HS3ST5: variants seen among roughly 807,000 people sequenced by gnomAD.
The protein encoded by HS3ST5 is heparan sulfate glucosamine 3-O-sulfotransferase 5.
A neutral mutation model predicts 25.4 loss-of-function variants in HS3ST5; 10 were observed. That is an observed-to-expected ratio of 0.39 (90% CI 0.24 to 0.67). The LOEUF is 0.67. Among genes scored for constraint, HS3ST5 ranks in the 30% least tolerant of loss-of-function variants. The pLI, the probability that HS3ST5 is intolerant of heterozygous loss-of-function variation, is 0.44. For missense variants in HS3ST5, 324 were observed against 420.7 expected, an observed-to-expected ratio of 0.77 and a Z score of 2.01; for synonymous variants, 170 against 162.4, an observed-to-expected ratio of 1.05 and a Z score of -0.36.
chr6:114,179,305 G>C (rs1345528313), intron 2 of HS3ST5: 1 of 152,158 alleles, frequency 6.6e-6, no homozygotes, highest in Non-Finnish European at 1.5e-5. Flanking sequence ...CTCTAACTTT[G>C]GCAGCTGTAT....
At chr6:114,185,165 T>C (rs914760859) in intron 2 of HS3ST5, among the ~76,000 whole-genome samples, 1 of 152,186 alleles carries the variant, frequency 6.6e-6, no homozygotes, top group African/African-American at 2.4e-5. Context: ...GAAATAGGCA[T>C]GAGTTTTGAG....
intron 3 of HS3ST5, among the ~76,000 whole-genome samples, chr6:114,064,646 G>A (rs1185170533): frequency 1.3e-5 from 2 of 152,210 alleles, no homozygotes; most frequent in Admixed American, 1.3e-4. Flanking sequence ...GGAGAATAGT[G>A]GCCAATTAAA....
chr6:114,148,332 G>C (rs542371411), intron 3 of HS3ST5, among the ~76,000 whole-genome samples: 1 of 152,094 alleles, frequency 6.6e-6, no homozygotes, highest in Non-Finnish European at 1.5e-5. Flanking sequence ...AAAAACCCTA[G>C]AAGAGGCCAG....
intron 3 of HS3ST5, among the ~76,000 whole-genome samples, chr6:114,126,771 C>T (rs1777059574): frequency 6.6e-6 from 1 of 151,898 alleles, no homozygotes; most frequent in South Asian, 2.1e-4. Context: ...CAATTTACTT[C>T]AGGCATTTCA....
chr6:114,123,368 C>G (rs80008475), intron 3 of HS3ST5, among the ~76,000 whole-genome samples: 8,805 of 152,220 alleles, frequency 0.058, 314 homozygotes, highest in Non-Finnish European at 0.08. Context: ...AACACTAAAT[C>G]GCTTGAGGTT....
At chr6:114,075,557 C>A (rs1774076175) in intron 3 of HS3ST5, among the ~76,000 whole-genome samples, 1 of 152,180 alleles carries the variant, frequency 6.6e-6, no homozygotes, top group African/African-American at 2.4e-5. Context: ...CTCAGAAAGG[C>A]CCTGTGCTTG....
intron 1 of HS3ST5, among the ~76,000 whole-genome samples, chr6:114,234,731 G>A (rs957275909): frequency 6.6e-6 from 1 of 152,126 alleles, no homozygotes; most frequent in Admixed American, 6.5e-5. Flanking sequence ...TATTTTATTT[G>A]CTAAACTTTT....
In HS3ST5 at chr6:114,306,711, T is replaced by C. The variant is rs139532063; in HGVS notation, c.-339+35484A>G. ...CTATATGTGAAAGATACTATTTGAGTACCCAAGTTAAATGAAAGTGTATCA... is the reference window on the plus strand; with the variant it reads ...CTATATGTGAAAGATACTATTTGAGCACCCAAGTTAAATGAAAGTGTATCA... On this transcript the variant is annotated intron_variant, in intron 1 of 4. Coordinates refer to ENST00000312719, the MANE Select transcript of HS3ST5 (RefSeq NM_153612.4). Among the ~76,000 whole-genome samples, 5 of 152,286 alleles carry C rather than the reference T, an allele frequency of 3.3e-5. No homozygotes were observed. The East Asian group carries it at 9.7e-4, about 29-fold the overall frequency.
At chr6:114,284,986 C>A (rs140913255) in intron 1 of HS3ST5, among the ~76,000 whole-genome samples, 23 of 151,934 alleles carry the variant, frequency 1.5e-4, no homozygotes, top group Non-Finnish European at 2.9e-4. Flanking sequence ...TCTATTTGTA[C>A]GCTATTTTCA....
At chr6:114,142,584 T>C (rs1777963633) in intron 3 of HS3ST5, among the ~76,000 whole-genome samples, 1 of 152,204 alleles carries the variant, frequency 6.6e-6, no homozygotes, top group Non-Finnish European at 1.5e-5. Context: ...TTTGTAAAGA[T>C]GAATAATTAT....
intron 1 of HS3ST5, among the ~76,000 whole-genome samples, chr6:114,249,846 G>C (rs34920420): frequency 0.12 from 17,904 of 151,946 alleles, 1,169 homozygotes; most frequent in Non-Finnish European, 0.14. Context: ...CAAAATTCCA[G>C]ACACACAAAT....
intron 3 of HS3ST5, among the ~76,000 whole-genome samples, chr6:114,159,119 C>A (rs1778825796): frequency 6.6e-6 from 1 of 152,176 alleles, no homozygotes; most frequent in African/African-American, 2.4e-5. Context: ...ATGTCTAATC[C>A]TGAAGTCCAA....
chr6:114,160,652 C>T (rs1475952811), intron 3 of HS3ST5, among the ~76,000 whole-genome samples: 1 of 152,066 alleles, frequency 6.6e-6, no homozygotes, highest in Non-Finnish European at 1.5e-5. Flanking sequence ...CTGTCTAATG[C>T]ACCATTAACA....
chr6:114,301,574 C>T lies in HS3ST5; in HGVS notation c.-339+40621G>A, dbSNP rs192250461. 1.3e-3 allele frequency among the ~76,000 whole-genome samples: 202 copies of T among 152,078 alleles called. 1 individual carries two copies. The highest frequency in any genetic ancestry group is 2.1e-3 in the Non-Finnish European group (141 of 67,944). ...CATCTGGAAGAAGCCATAATATTCT[C>T]CCTATTGCATCAGCACCAGAGCTCC... On this transcript the variant is annotated intron_variant, in intron 1 of 4. Transcript: ENST00000312719.
At position 114,111,786 on chromosome 6, in the gene HS3ST5, T is replaced by A. The variant is rs959750989; in HGVS notation, c.-32-48909A>T. On this transcript the variant is annotated intron_variant, in intron 3 of 4. Coordinates refer to ENST00000312719, the MANE Select transcript of HS3ST5 (RefSeq NM_153612.4). ...ATGACTTGTTACTCATTTTCTTGGG[T>A]TTTTCAGTTTCAAAACTCATAAAAC... is the stretch of plus-strand genomic sequence containing the variant. Among the ~76,000 whole-genome samples, 11 of 152,070 alleles carry A rather than the reference T, an allele frequency of 7.2e-5. 1 individual carries two copies. The highest frequency in any genetic ancestry group is 3.9e-4 in the Admixed American group (6 of 15,278).
chr6:114,268,244 G>T (rs1421327487), intron 1 of HS3ST5, among the ~76,000 whole-genome samples: 2 of 151,830 alleles, frequency 1.3e-5, no homozygotes, highest in East Asian at 3.9e-4. Flanking sequence ...CAGGTATACG[G>T]GTTTACTCAG....
chr6:114,094,289 T>C (rs990817472), intron 3 of HS3ST5, among the ~76,000 whole-genome samples: 3 of 152,234 alleles, frequency 2.0e-5, no homozygotes, highest in Non-Finnish European at 2.9e-5. Flanking sequence ...TTAGTTTTGA[T>C]ACTTCCCTAA....
At chr6:114,293,849 T>C (rs950168008) in intron 1 of HS3ST5, among the ~76,000 whole-genome samples, 1 of 152,152 alleles carries the variant, frequency 6.6e-6, no homozygotes, top group Admixed American at 6.5e-5. Flanking sequence ...GGTCAAATGC[T>C]GCAGAGAGAC....
intron 3 of HS3ST5, among the ~76,000 whole-genome samples, chr6:114,076,807 A>G (rs1490535197): frequency 2.0e-5 from 3 of 152,164 alleles, no homozygotes; most frequent in African/African-American, 4.8e-5. Flanking sequence ...CGAATGGGAG[A>G]TGGGGTAGAG....
Sources: allele counts gnomAD v4.1 joint callset (sites outside exome capture counted in the v4.1 genomes callset), GRCh38; gene constraint gnomAD v4.1.1; transcripts MANE v1.5; gene names NCBI Gene and HGNC (gene_info 2026-07-23, HGNC 2026-07-21).